The following HNRNPF variants were observed in gnomAD, a reference collection of about 807,000 sequenced individuals.
The protein encoded by HNRNPF is heterogeneous nuclear ribonucleoprotein F, also known as HnRNP F protein.
In HNRNPF, 2 loss-of-function variants were observed where a neutral mutation model predicts 26.0. The observed-to-expected ratio is 0.08, with a 90% CI of 0.03 to 0.24. The LOEUF is 0.24. Among genes scored for constraint, HNRNPF ranks in the 10% least tolerant of loss-of-function variants. The pLI, the probability that HNRNPF is intolerant of heterozygous loss-of-function variation, is 1.00. For synonymous variants in HNRNPF, 234 were observed against 211.5 expected (o/e 1.11, Z -0.92); for missense variants, 299 against 539.2 (o/e 0.55, Z 4.41).
Position 43,386,943 on chromosome 10 carries a change from A to G in HNRNPF, c.942T>C (p.Pro314=). The stretch of plus-strand genomic sequence containing the variant: ...GGCCAATCTCAATATGGACTCTCAC[A>G]GGGTTGAGAGGAGAGAAGAAGTTGT... ...DIYNFFSPLN[P]VRVHIEIGPD... The change falls in exon 4 of 4, where the codon CCT becomes CCC. Residue 314 remains proline, a synonymous_variant. Coordinates refer to ENST00000682386, the MANE Select transcript of HNRNPF (RefSeq NM_001098204.2). The G allele has an allele frequency of 6.2e-7, 1 of 1,614,024 alleles. No homozygotes were observed. The highest frequency in any genetic ancestry group is 8.5e-7 in the Non-Finnish European group (1 of 1,179,958).
chr10:43,388,140 T>G (rs1386377767), intron 3 of HNRNPF, among the ~76,000 whole-genome samples: 1 of 152,146 alleles, frequency 6.6e-6, no homozygotes, highest in African/African-American at 2.4e-5. Context: ...GGACGATGCA[T>G]GTGAATGTGG....
At position 43,387,972 on chromosome 10, in the gene HNRNPF, C is replaced by A; in HGVS notation, c.-52-36G>T. 1 of 1,166,652 alleles carries A rather than the reference C, an allele frequency of 8.6e-7. No homozygotes were observed. The highest frequency in any genetic ancestry group is 1.2e-6 in the Non-Finnish European group (1 of 832,822). 72.3% of individuals were successfully genotyped at this position (1,166,652 alleles called of 1,614,324 possible). A position where few individuals can be genotyped will look rare whatever the true frequency, so the allele number is the denominator to read the frequency against. ...AAAAAAGAAAAATTTATTTAGTATG[C>A]AACAGAAATTTTCCCCATTTTACAG... On this transcript the variant is annotated intron_variant, in intron 3 of 3. Transcript: ENST00000682386. This position sits in a 1 kb window ranked among gnomAD's most constrained non-coding sequence, Gnocchi z 6.0.
chr10:43,396,325 G>C (rs1838512489), intron 2 of HNRNPF, 131 bp downstream of exon 2: 1 of 152,340 alleles, frequency 6.6e-6, no homozygotes, highest in Non-Finnish European at 1.5e-5. Context: ...GTGCCCCCGG[G>C]AAACCGGGCA....
At position 43,394,614 on chromosome 10, in the gene HNRNPF, T is replaced by G. The variant is rs1008411693; in HGVS notation, c.-53+16A>C. On this transcript the variant is annotated intron_variant, in intron 3 of 3. Coordinates refer to ENST00000682386, the MANE Select transcript of HNRNPF (RefSeq NM_001098204.2). ...AATACTGCAGCTGAAAAGGGGCTCT[T>G]CTTAAAATAGCTTACCTTAAAAACA... 1 of 152,132 alleles carries G rather than the reference T, an allele frequency of 6.6e-6. No homozygotes were observed. Among genetic ancestry groups the G allele is most frequent in the African/African-American group, 2.4e-5 (1 of 41,392 alleles). 9.4% of individuals were successfully genotyped at this position (152,132 alleles called of 1,614,324 possible).
chr10:43,397,499 G>C (rs574356591), intron 1 of HNRNPF, among the ~76,000 whole-genome samples: 27,632 of 152,082 alleles, frequency 0.18, 2,687 homozygotes, highest in Non-Finnish European at 0.2. Context: ...TGCCAGCCAC[G>C]GGGAAGGGCG....
At chr10:43,400,488 A>T (rs904395248) in intron 1 of HNRNPF, among the ~76,000 whole-genome samples, 1 of 152,294 alleles carries the variant, frequency 6.6e-6, no homozygotes, top group East Asian at 1.9e-4. Context: ...ATAGTATGTG[A>T]GCAGATCATA....
intron 1 of HNRNPF, among the ~76,000 whole-genome samples, chr10:43,407,377 C>T (rs1204833623): frequency 6.6e-6 from 1 of 152,168 alleles, no homozygotes; most frequent in African/African-American, 2.4e-5. Flanking sequence ...CGCCCGCGGG[C>T]AATGGCCGAG....
rs1005340474 is a variant in HNRNPF at position 43,396,471 on chromosome 10, G to C, written c.-127C>G. On this transcript the variant is annotated 5_prime_UTR_variant, in exon 2 of 4. Transcript: ENST00000682386. ...CTAGACTTACCACGGAGGCGAGCAG[G>C]ACTGGTTTCTGTTGCTACCAGGCAA... The C allele has an allele frequency of 2.0e-5, 3 of 152,444 alleles. No homozygotes were observed. The highest frequency in any genetic ancestry group is 7.2e-5 in the African/African-American group (3 of 41,602). The allele number at this position is 152,444 out of a possible 1,614,324, so 9.4% of individuals were successfully genotyped here. A position where few individuals can be genotyped will look rare whatever the true frequency, so the allele number is the denominator to read the frequency against.
chr10:43,408,674 G>C (rs989517965), intron 1 of HNRNPF: 4 of 151,018 alleles, frequency 2.6e-5, no homozygotes, highest in African/African-American at 4.9e-5. Context: ...CCCGGTCCCC[G>C]CTAGGTCCCG....
chr10:43,401,377 AAATT>A (rs1429495337), intron 1 of HNRNPF, among the ~76,000 whole-genome samples: 2 of 152,244 alleles, frequency 1.3e-5, no homozygotes, highest in African/African-American at 2.4e-5. Context: ...GTTTGTACTG[AAATT>A]AATATAAGGG....
chr10:43,386,788 C>G lies in HNRNPF; in HGVS notation c.1097G>C (p.Gly366Ala). 1 of 1,614,190 alleles carries G rather than the reference C, an allele frequency of 6.2e-7. No homozygotes were observed. The highest frequency in any genetic ancestry group is 8.5e-7 in the Non-Finnish European group (1 of 1,180,046). Reference protein sequence around the residue: ...YIELFLNSTTGASNGAYSSQV... With the variant: ...YIELFLNSTTAASNGAYSSQV... ...GCTGCTATACGCCCCATTGCTGGCC[C>G]CTGTTGTTGAATTCAAGAAGAGTTC... Residue 366 changes from glycine (G) to alanine (A), a missense_variant, in exon 4 of 4, where the codon GGG becomes GCG. This residue lies in a region of HNRNPF where 53 missense variants were observed against 72.4 expected (regional missense o/e 0.73). Coordinates refer to ENST00000682386, the MANE Select transcript of HNRNPF (RefSeq NM_001098204.2).
At chr10:43,390,472 T>C (rs1334126248) in intron 3 of HNRNPF, among the ~76,000 whole-genome samples, 2 of 152,112 alleles carry the variant, frequency 1.3e-5, no homozygotes, top group Admixed American at 6.6e-5. Context: ...TCCAATGATT[T>C]CACCATTCCC....
At chr10:43,388,728 G>A (rs1838127671) in intron 3 of HNRNPF, among the ~76,000 whole-genome samples, 1 of 152,208 alleles carries the variant, frequency 6.6e-6, no homozygotes, top group South Asian at 2.1e-4. Flanking sequence ...ATCGCAAGAG[G>A]GCTGAGAAAT....
At position 43,386,565 on chromosome 10, in the gene HNRNPF, T is replaced by C. The variant is rs1838030693; in HGVS notation, c.*72A>G. 6 of 1,422,782 alleles carry C rather than the reference T, an allele frequency of 4.2e-6. No individual in the cohort carries two copies. The highest frequency in any genetic ancestry group is 5.6e-6 in the Non-Finnish European group (6 of 1,068,090). 88.1% of individuals were successfully genotyped at this position (1,422,782 alleles called of 1,614,324 possible). ...AAAATGGGTCCCCCAGCTTCCTCTA[T>C]TATAACTGCTCTTAATTGCTTGTTG... On this transcript the variant is annotated 3_prime_UTR_variant, in exon 4 of 4. Transcript: ENST00000682386.
chr10:43,396,976 G>A (rs1204324564), intron 1 of HNRNPF: 1 of 151,948 alleles, frequency 6.6e-6, no homozygotes, highest in African/African-American at 2.4e-5. Context: ...ACGGCAAGGT[G>A]GGGTGGGGGC....
intron 1 of HNRNPF, among the ~76,000 whole-genome samples, chr10:43,406,974 G>C (rs748505062): frequency 3.9e-5 from 6 of 152,124 alleles, no homozygotes; most frequent in Non-Finnish European, 8.8e-5. Flanking sequence ...CACTTTGCAG[G>C]AATAGCACTT....
In HNRNPF at chr10:43,387,235, C is replaced by T; in HGVS notation, c.650G>A (p.Arg217Lys). 6.2e-7 allele frequency: 1 copy of T among 1,614,168 alleles called. No homozygotes were observed. The highest frequency in any genetic ancestry group is 1.3e-5 in the African/African-American group (1 of 75,066). The change falls in exon 4 of 4, where the codon AGG (arginine) becomes AAG (lysine). Residue 217 changes from arginine (R) to lysine (K), a missense_variant. This residue lies in a region of HNRNPF where 15 missense variants were observed against 40.3 expected (regional missense o/e 0.37). Coordinates refer to ENST00000682386, the MANE Select transcript of HNRNPF (RefSeq NM_001098204.2). The surrounding 1 kb of genome is among the most constrained non-coding windows in gnomAD (Gnocchi z 6.0). Reference sequence around the variant, plus strand: ...CTGCTTCACGATGCCAATGTACCTCCTGGCAGTCCCGGGCCGGTCATAGGG... The same window carrying T: ...CTGCTTCACGATGCCAATGTACCTCTTGGCAGTCCCGGGCCGGTCATAGGG... ...PGPYDRPGTA[R>K]RYIGIVKQAG...
Position 43,386,730 on chromosome 10 carries a change from G to A in HNRNPF, c.1155C>T (p.Ala385=). The A allele has an allele frequency of 1.2e-6, 2 of 1,614,146 alleles. No individual in the cohort carries two copies. The highest frequency in any genetic ancestry group is 1.7e-6 in the Non-Finnish European group (2 of 1,180,016). Residue 385 remains alanine (A), a synonymous_variant, in exon 4 of 4, where the codon GCC becomes GCT. Coordinates refer to ENST00000682386, the MANE Select transcript of HNRNPF (RefSeq NM_001098204.2). ...QVMQGMGVSA[A]QATYSGLESQ... ...TCTCCAGGCCACTGTAAGTGGCCTG[G>A]GCAGCAGACACCCCCATGCCTTGCA...
rs1588985509 is a variant in HNRNPF, at chr10:43,386,804, A to G, written c.1081T>C (p.Leu361=). ...NMQHRYIELF[L]NSTTGASNGA... is the part of the protein sequence containing the mutation. ...TTGCTGGCCCCTGTTGTTGAATTCAAGAAGAGTTCTATATATCTGTGCTGC... is the reference window on the plus strand; with the variant it reads ...TTGCTGGCCCCTGTTGTTGAATTCAGGAAGAGTTCTATATATCTGTGCTGC... Residue 361 remains leucine (L), a synonymous_variant, in exon 4 of 4, where the codon TTG becomes CTG. Coordinates refer to ENST00000682386, the MANE Select transcript of HNRNPF (RefSeq NM_001098204.2). The G allele has an allele frequency of 1.2e-6, 2 of 1,614,180 alleles. No individual in the cohort carries two copies. The highest frequency in any genetic ancestry group is 2.7e-5 in the African/African-American group (2 of 75,036).
Sources: gnomAD v4.1 joint callset for allele counts (sites outside exome capture counted in the v4.1 genomes callset) on GRCh38, gnomAD v4.1.1 for gene constraint, gnomAD v4.1.1 regional missense constraint, Gnocchi (gnomAD v3.1) non-coding constraint, MANE v1.5 for transcripts, NCBI Gene and HGNC (gene_info 2026-07-23, HGNC 2026-07-21) for gene names.